The following DPYD variants were observed in gnomAD, a reference collection of about 807,000 sequenced individuals.
DPYD encodes dihydropyrimidine dehydrogenase [NADP(+)].
In DPYD, 109 loss-of-function variants were observed where a neutral mutation model predicts 116.2. The observed-to-expected ratio is 0.94, with a 90% confidence interval of 0.80 to 1.10. The LOEUF (loss-of-function observed/expected upper bound fraction) is 1.10, where lower values mean the gene tolerates loss of function less well. DPYD is among the 50% of genes least tolerant of loss of function. The pLI, the probability that DPYD is intolerant of heterozygous loss-of-function variation, is 0.00. For missense variants in DPYD, 1,302 were observed against 1,254.5 expected, an observed-to-expected ratio of 1.04 and a Z score of -0.57; for synonymous variants, 440 against 432.0, an observed-to-expected ratio of 1.02 and a Z score of -0.23.
intron 2 of DPYD, among the ~76,000 whole-genome samples, chr1:97,843,596 A>C (rs1479941590): frequency 2.0e-5 from 3 of 152,178 alleles, no homozygotes; most frequent in African/African-American, 7.2e-5. Flanking sequence ...TATAGCATTC[A>C]ATCAGACTGA....
intron 13 of DPYD, among the ~76,000 whole-genome samples, chr1:97,504,541 G>C (rs1679772668): frequency 6.6e-6 from 1 of 151,912 alleles, no homozygotes. Flanking sequence ...AGCAAGCTAT[G>C]ACCAAAGATT....
At chr1:97,778,089 C>A (rs773446091) in intron 3 of DPYD, among the ~76,000 whole-genome samples, 1 of 139,912 alleles carries the variant, frequency 7.1e-6, no homozygotes, top group African/African-American at 2.7e-5. Flanking sequence ...ACCCATGAGA[C>A]GGAGATTGCA....
At chr1:97,447,250 T>A (rs920118142) in intron 14 of DPYD, among the ~76,000 whole-genome samples, 3 of 152,230 alleles carry the variant, frequency 2.0e-5, no homozygotes, top group Non-Finnish European at 4.4e-5. Flanking sequence ...CCAGTCCCTG[T>A]CATTAAAGGT....
chr1:97,158,558 G>C (rs1482023136), intron 20 of DPYD, among the ~76,000 whole-genome samples: 1 of 148,732 alleles, frequency 6.7e-6, no homozygotes, highest in Non-Finnish European at 1.5e-5. Context: ...GTCCAAAAGA[G>C]GGCAGAAACT....
intron 10 of DPYD, among the ~76,000 whole-genome samples, chr1:97,578,948 ATTATC>A (rs1653455409): frequency 6.6e-6 from 1 of 152,230 alleles, no homozygotes; most frequent in Non-Finnish European, 1.5e-5. Flanking sequence ...CACAGAACAT[ATTATC>A]TTAAGATACA....
chr1:97,399,439 T>G (rs1368268960), intron 14 of DPYD, among the ~76,000 whole-genome samples: 2 of 150,482 alleles, frequency 1.3e-5, no homozygotes, highest in Non-Finnish European at 3.0e-5. Context: ...GGCTCTTTTT[T>G]GGTTCCATAT....
At position 97,867,642 on chromosome 1, in the gene DPYD, G is replaced by A. The variant is rs139097248; in HGVS notation, c.150+15622C>T. Among the ~76,000 whole-genome samples, 623 of 151,864 alleles carry A rather than the reference G, an allele frequency of 4.1e-3. 3 individuals carry two copies. The highest frequency in any genetic ancestry group is 0.014 in the African/African-American group (593 of 41,478). On this transcript the variant is annotated intron_variant, in intron 2 of 22. Coordinates refer to ENST00000370192, the MANE Select transcript of DPYD (RefSeq NM_000110.4). ...AAACCATAGGATCATCTCAATTGATGCAGGAAAAAACATTGGACAAAACTG... is the reference window on the plus strand; with the variant it reads ...AAACCATAGGATCATCTCAATTGATACAGGAAAAAACATTGGACAAAACTG...
intron 13 of DPYD, among the ~76,000 whole-genome samples, chr1:97,475,745 A>G (rs1349076784): frequency 6.6e-6 from 1 of 152,150 alleles, no homozygotes; most frequent in East Asian, 1.9e-4. Flanking sequence ...TGGTGGCCAA[A>G]TTTGGCCTGT....
intron 10 of DPYD, among the ~76,000 whole-genome samples, chr1:97,579,053 T>C (rs1390321851): frequency 6.6e-6 from 1 of 152,240 alleles, no homozygotes; most frequent in Non-Finnish European, 1.5e-5. Flanking sequence ...TTATTTAACA[T>C]TCTATCCTTT....
chr1:97,753,077 G>T (rs1665021731), intron 3 of DPYD, among the ~76,000 whole-genome samples: 3 of 151,648 alleles, frequency 2.0e-5, no homozygotes, highest in Admixed American at 1.3e-4. Context: ...TTTATGCAAG[G>T]GGTTACTATA....
At chr1:97,405,100 T>C (rs775147017) in intron 14 of DPYD, among the ~76,000 whole-genome samples, 11 of 152,082 alleles carry the variant, frequency 7.2e-5, no homozygotes, top group Non-Finnish European at 1.0e-4. Flanking sequence ...TCCTGTCCAT[T>C]GTGTCACTGC....
At chr1:97,354,333 A>G (rs1467374803) in intron 16 of DPYD, among the ~76,000 whole-genome samples, 1 of 152,194 alleles carries the variant, frequency 6.6e-6, no homozygotes, top group East Asian at 1.9e-4. Flanking sequence ...ATAGGACAAC[A>G]GATGTGTAAA....
intron 18 of DPYD, among the ~76,000 whole-genome samples, chr1:97,290,039 T>C (rs1028449230): frequency 7.9e-5 from 12 of 152,238 alleles, no homozygotes; most frequent in Admixed American, 7.2e-4. Context: ...AGCATTCTTA[T>C]ACACCAATAA....
intron 16 of DPYD, among the ~76,000 whole-genome samples, chr1:97,358,780 C>T (rs1294431820): frequency 1.3e-5 from 2 of 149,312 alleles, no homozygotes; most frequent in Non-Finnish European, 3.0e-5. Flanking sequence ...ACAAAAAGGA[C>T]ATCTACACCA....
intron 8 of DPYD, among the ~76,000 whole-genome samples, chr1:97,646,238 A>G (rs1488679766): frequency 6.6e-6 from 1 of 151,990 alleles, no homozygotes; most frequent in Admixed American, 6.6e-5. Context: ...CCAATTATGC[A>G]TATGTTGAAT....
intron 6 of DPYD, among the ~76,000 whole-genome samples, chr1:97,698,246 C>A (rs1285047561): frequency 6.6e-6 from 1 of 151,626 alleles, no homozygotes. Flanking sequence ...GATATTTTTG[C>A]TTGATGATTC....
intron 8 of DPYD, among the ~76,000 whole-genome samples, chr1:97,622,869 G>C (rs547399500): frequency 2.0e-5 from 3 of 152,032 alleles, no homozygotes; most frequent in African/African-American, 7.2e-5. Flanking sequence ...AAGAAAGGCA[G>C]GCAAACAAGA....
chr1:97,268,559 C>A (rs2100880993), intron 18 of DPYD, among the ~76,000 whole-genome samples: 1 of 152,152 alleles, frequency 6.6e-6, no homozygotes, highest in African/African-American at 2.4e-5. Flanking sequence ...GAAGAATTAG[C>A]ACTATGTGGA....
At chr1:97,453,707 T>G (rs1676538075) in intron 13 of DPYD, among the ~76,000 whole-genome samples, 1 of 152,050 alleles carries the variant, frequency 6.6e-6, no homozygotes, top group Admixed American at 6.6e-5. Context: ...CCTTTAAGAA[T>G]TTTTTCTTTG....
Sources: allele counts gnomAD v4.1 joint callset (sites outside exome capture counted in the v4.1 genomes callset), GRCh38; gene constraint gnomAD v4.1.1; transcripts MANE v1.5; gene names NCBI Gene and HGNC (gene_info 2026-07-23, HGNC 2026-07-21).